Variants in KIAA0319L observed in about 807,000 individuals in gnomAD.
KIAA0319L encodes dyslexia-associated protein KIAA0319-like protein.
In KIAA0319L, 55 loss-of-function variants were observed where a neutral mutation model predicts 120.1. The ratio of observed to expected loss-of-function variants is 0.46; its 90% CI spans 0.37 to 0.57. KIAA0319L has a LOEUF of 0.57. Among genes scored for constraint, KIAA0319L ranks in the 20% least tolerant of loss-of-function variants. The probability of loss-of-function intolerance (pLI) is 0.00; values close to 1 mark genes in which losing one functional copy is unlikely to be tolerated. For missense variants in KIAA0319L, 1,049 were observed against 1,255.3 expected (o/e 0.84, Z 2.48); for synonymous variants, 398 against 471.9 (o/e 0.84, Z 2.03).
chr1:35,557,366 C>A lies in KIAA0319L; in HGVS notation c.-188G>T, dbSNP rs1172373315. ...GCTCCCCACCCGGACAGCTACCTCTCGCCTCAGCCTCCCTGGACAGCGACG... is the reference window on the plus strand; with the variant it reads ...GCTCCCCACCCGGACAGCTACCTCTAGCCTCAGCCTCCCTGGACAGCGACG... On this transcript the variant is annotated 5_prime_UTR_variant, in exon 1 of 21. Coordinates refer to ENST00000325722, the MANE Select transcript of KIAA0319L (RefSeq NM_024874.5). The A allele has an allele frequency of 3.4e-5, 10 of 294,742 alleles. No individual in the cohort carries two copies. The highest frequency in any genetic ancestry group is 5.0e-5 in the Admixed American group (1 of 19,860). The allele number at this position is 294,742 out of a possible 1,614,324, so 18.3% of individuals were successfully genotyped here.
intron 2 of KIAA0319L, among the ~76,000 whole-genome samples, chr1:35,543,065 G>A (rs1211419023): frequency 6.6e-6 from 1 of 152,210 alleles, no homozygotes. Flanking sequence ...GATTTAAGAT[G>A]ATTATCTTTC....
intron 2 of KIAA0319L, among the ~76,000 whole-genome samples, chr1:35,509,373 G>A (rs1250018390): frequency 6.6e-6 from 1 of 152,242 alleles, no homozygotes; most frequent in Non-Finnish European, 1.5e-5. Flanking sequence ...ATAAAAATGT[G>A]TGGGATACAG....
intron 17 of KIAA0319L, 38 bp downstream of exon 17, chr1:35,444,123 A>T (rs752348415): frequency 6.5e-7 from 1 of 1,550,222 alleles, no homozygotes; most frequent in African/African-American, 1.4e-5. Flanking sequence ...TGCAGGCACT[A>T]GGTAGGCTCT....
At position 35,462,525 on chromosome 1, in the gene KIAA0319L, C is replaced by T. The variant is rs193170082; in HGVS notation, c.1294+96G>A. ...GTCAAGATGACTGGCCTAAACAGAA[C>T]GCAGACACAGCTGGCCCCAAATCTT... On this transcript the variant is annotated intron_variant, in intron 8 of 20. Coordinates refer to ENST00000325722, the MANE Select transcript of KIAA0319L (RefSeq NM_024874.5). 2,304 of 1,001,786 alleles carry T rather than the reference C, an allele frequency of 2.3e-3. 7 individuals carry two copies. The highest frequency in any genetic ancestry group is 3.1e-3 in the Non-Finnish European group (2,028 of 644,956). The allele number at this position is 1,001,786 out of a possible 1,614,324, so 62.1% of individuals were successfully genotyped here.
In KIAA0319L at chr1:35,479,007, G is replaced by A; in HGVS notation, c.872C>T (p.Thr291Ile). The part of the protein sequence containing the change: ...VAPSYSYATP[T>I]PQASFQSTSA... ...GGTGCTCTGGAAAGAGGCCTGGGGG[G>A]TAGGGGTAGCATAACTGTAGGAGGG... The change falls in exon 4 of 21, where the codon ACC becomes ATC. Residue 291 changes from threonine to isoleucine, a missense_variant. Coordinates refer to ENST00000325722, the MANE Select transcript of KIAA0319L (RefSeq NM_024874.5). 2 of 1,614,100 alleles carry A rather than the reference G, an allele frequency of 1.2e-6. No individual in the cohort carries two copies. The highest frequency in any genetic ancestry group is 1.7e-6 in the Non-Finnish European group (2 of 1,179,974).
chr1:35,493,838 C>T (rs1487601466), intron 3 of KIAA0319L, among the ~76,000 whole-genome samples: 1 of 151,644 alleles, frequency 6.6e-6, no homozygotes, highest in Non-Finnish European at 1.5e-5. Context: ...AAGTGAGACC[C>T]TATCTCAAAC....
chr1:35,525,337 T>A (rs1407931920), intron 2 of KIAA0319L, among the ~76,000 whole-genome samples: 4 of 152,224 alleles, frequency 2.6e-5, no homozygotes, highest in Non-Finnish European at 5.9e-5. Context: ...AATATACTAA[T>A]TTTCTTTCCT....
chr1:35,468,768 C>T, intron 6 of KIAA0319L, among the ~76,000 whole-genome samples: 1 of 152,234 alleles, frequency 6.6e-6, no homozygotes, highest in East Asian at 1.9e-4. Context: ...TCCACACTGC[C>T]ATCACCTTAG....
chr1:35,520,043 T>C (rs577387595), intron 2 of KIAA0319L, among the ~76,000 whole-genome samples: 30 of 152,178 alleles, frequency 2.0e-4, no homozygotes, highest in Non-Finnish European at 3.7e-4. Context: ...TCCGAGTTTC[T>C]ACCTTCATTA....
chr1:35,452,695 A>G (rs1039542912), intron 12 of KIAA0319L, among the ~76,000 whole-genome samples: 7 of 152,236 alleles, frequency 4.6e-5, no homozygotes, highest in Non-Finnish European at 1.0e-4. Context: ...GCTGGGTAAG[A>G]TTATGTTCTA....
chr1:35,438,212 C>T (rs1640936969), intron 20 of KIAA0319L, among the ~76,000 whole-genome samples: 2 of 152,188 alleles, frequency 1.3e-5, no homozygotes, highest in East Asian at 3.8e-4. Context: ...CATTCTCATT[C>T]CCTCAACTCC....
At chr1:35,519,742 C>T (rs1390962940) in intron 2 of KIAA0319L, among the ~76,000 whole-genome samples, 1 of 152,130 alleles carries the variant, frequency 6.6e-6, no homozygotes, top group Non-Finnish European at 1.5e-5. Context: ...TCTCTTTCTT[C>T]CCACAGGAAA....
chr1:35,450,976 C>T (rs544005598), intron 13 of KIAA0319L, among the ~76,000 whole-genome samples: 40 of 152,324 alleles, frequency 2.6e-4, no homozygotes, highest in African/African-American at 8.9e-4. Context: ...AAAGAGCTAC[C>T]TCTCTTATTC....
At chr1:35,477,043 A>G (rs1643918183) in intron 4 of KIAA0319L, among the ~76,000 whole-genome samples, 1 of 152,186 alleles carries the variant, frequency 6.6e-6, no homozygotes, top group African/African-American at 2.4e-5. Flanking sequence ...CTTGAGTAAT[A>G]CCCCACAAGG....
chr1:35,481,199 T>G (rs1644148968), intron 3 of KIAA0319L, among the ~76,000 whole-genome samples: 1 of 152,250 alleles, frequency 6.6e-6, no homozygotes, highest in Non-Finnish European at 1.5e-5. Context: ...TATCTACTGA[T>G]GGAATTTTAA....
chr1:35,503,935 G>T (rs1385189478), intron 3 of KIAA0319L, among the ~76,000 whole-genome samples: 4 of 150,820 alleles, frequency 2.7e-5, no homozygotes, highest in Non-Finnish European at 4.4e-5. Context: ...GCCCAGGCTG[G>T]AGTGCAGTGG....
At chr1:35,554,786 C>G (rs1407939258) in intron 1 of KIAA0319L, 1 of 212,196 alleles carries the variant, frequency 4.7e-6, no homozygotes, top group Non-Finnish European at 9.3e-6. Flanking sequence ...AACAGTAAAT[C>G]ACCTATGTGG....
In KIAA0319L at chr1:35,513,288, A is replaced by ATTTT. The variant is rs67198806; in HGVS notation, c.143-6157_143-6154dup. 1.5e-3 allele frequency among the ~76,000 whole-genome samples: 124 copies of ATTTT among 85,288 alleles called. 1 individual carries two copies. The highest frequency in any genetic ancestry group is 4.0e-3 in the African/African-American group (95 of 23,488). 56.0% of individuals were successfully genotyped at this position (85,288 alleles called of 152,430 possible). ...ATAACATATATATATATATATATAT[A>ATTTT]TTTTTTTTTTTTTTTTTTTCTGTCC... On this transcript the variant is annotated intron_variant, in intron 2 of 20. Coordinates refer to ENST00000325722, the MANE Select transcript of KIAA0319L (RefSeq NM_024874.5).
rs539848021 is a variant in KIAA0319L at position 35,445,594 on chromosome 1, C to G, written c.2514-1291G>C. On this transcript the variant is annotated intron_variant, in intron 16 of 20. Transcript: ENST00000325722. ...CACTATGTGTGAGGGACTATACAAA[C>G]ATTAACTTATTTAATCCTCATAACA... 2.0e-5 allele frequency among the ~76,000 whole-genome samples: 3 copies of G among 152,312 alleles called. No individual in the cohort carries two copies. In the South Asian group the frequency reaches 6.2e-4, roughly 32 times the overall value.
Sources: allele counts gnomAD v4.1 joint callset (sites outside exome capture counted in the v4.1 genomes callset), GRCh38; gene constraint gnomAD v4.1.1; transcripts MANE v1.5; gene names NCBI Gene and HGNC (gene_info 2026-07-23, HGNC 2026-07-21).